The following DPF3 variants were observed in gnomAD, a reference collection of about 807,000 sequenced individuals.
DPF3 encodes the protein zinc finger protein DPF3.
Under a neutral mutation model 56.8 loss-of-function variants are expected in DPF3, and 18 were observed. That is an observed-to-expected ratio of 0.32 (90% CI 0.22 to 0.47). The LOEUF (loss-of-function observed/expected upper bound fraction) is 0.47. Among genes scored for constraint, DPF3 ranks in the 20% least tolerant of loss-of-function variants. The pLI is 1.00. For synonymous variants in DPF3, 188 were observed against 180.2 expected (o/e 1.04, Z -0.35); for missense variants, 403 against 488.8 (o/e 0.82, Z 1.65).
At chr14:72,864,975 C>A (rs1749239761) in intron 1 of DPF3, among the ~76,000 whole-genome samples, 4 of 152,072 alleles carry the variant, frequency 2.6e-5, no homozygotes, top group African/African-American at 9.7e-5. Context: ...GAGGGAGGAG[C>A]CAAAGATGAT....
rs147460173 is a variant in DPF3, at chr14:72,795,466, T to C, written c.33-23573A>G. On this transcript the variant is annotated intron_variant, in intron 1 of 10. Transcript: ENST00000556509. ...TTTTCCCAACATTGTAGGGTTGATG[T>C]ATCCTAAGGAATAAAGAACAAAATG... 2.6e-4 allele frequency among the ~76,000 whole-genome samples: 40 copies of C among 152,086 alleles called. 1 individual carries two copies. The East Asian group carries it at 7.5e-3, about 29-fold the overall frequency.
At chr14:72,817,950 T>G (rs962824682) in intron 1 of DPF3, among the ~76,000 whole-genome samples, 5 of 151,934 alleles carry the variant, frequency 3.3e-5, no homozygotes, top group African/African-American at 1.2e-4. Context: ...AATGCTAAAA[T>G]TAGAAAAATT....
At chr14:72,795,277 CAAAAAA>C (rs578053636) in intron 1 of DPF3, among the ~76,000 whole-genome samples, 3,947 of 109,518 alleles carry the variant, frequency 0.036, 155 homozygotes, top group South Asian at 0.11. Flanking sequence ...CTCTTTTTGA[CAAAAAA>C]AAAAAAAAAA....
intron 8 of DPF3, among the ~76,000 whole-genome samples, chr14:72,649,661 G>GGGC (rs10679174): frequency 2.5e-5 from 2 of 79,842 alleles, no homozygotes; most frequent in Admixed American, 1.3e-4. Context: ...ATCCCTGGGT[G>GGGC]GGGGGGGGGA....
chr14:72,778,950 C>T (rs951677996), intron 1 of DPF3, among the ~76,000 whole-genome samples: 1 of 152,220 alleles, frequency 6.6e-6, no homozygotes, highest in Non-Finnish European at 1.5e-5. Context: ...CACACAGACA[C>T]TCAGGCTGAA....
At chr14:72,845,238 C>T (rs1884701732) in intron 1 of DPF3, among the ~76,000 whole-genome samples, 3 of 152,048 alleles carry the variant, frequency 2.0e-5, no homozygotes, top group Admixed American at 2.0e-4. Flanking sequence ...ACAGTGAAAG[C>T]CCCAGTTAGG....
rs1883812152 is a variant in DPF3, at chr14:72,612,672, C to A, written c.*6625G>T. ...AAGGGCAAACCAAGTCCGTATAAAC[C>A]ACAAACCCCATTCTAGCCATAAAAG... On this transcript the variant is annotated 3_prime_UTR_variant, in exon 11 of 11. Transcript: ENST00000556509. The A allele has an allele frequency of 2.0e-6, 1 of 505,688 alleles. No individual in the cohort carries two copies. Among genetic ancestry groups the A allele is most frequent in the South Asian group, 1.4e-5 (1 of 70,406 alleles). The allele number at this position is 505,688 out of a possible 1,614,324, so 31.3% of individuals were successfully genotyped here.
Position 72,674,307 on chromosome 14 carries a change from G to GC in DPF3, c.803dup (p.Ser269LeufsTer11). 1 of 1,612,450 alleles carries GC rather than the reference G, an allele frequency of 6.2e-7. No homozygotes were observed. Among genetic ancestry groups the GC allele is most frequent in the Non-Finnish European group, 8.5e-7 (1 of 1,179,380 alleles). Reference sequence around the variant, plus strand: ...GCCCACTCTTCTTGTTCATGTTGGAGCCCCCCAAGCAGAAGTCACAGTAGT... The same window carrying GC: ...GCCCACTCTTCTTGTTCATGTTGGAGCCCCCCCAAGCAGAAGTCACAGTAGT... On this transcript the variant is annotated frameshift_variant, in exon 8 of 11. Transcript: ENST00000556509. LOFTEE classifies it high-confidence loss of function.
At chr14:72,800,377 A>AATGGATAGATGGATGG (rs1326428990) in intron 1 of DPF3, among the ~76,000 whole-genome samples, 644 of 18,104 alleles carry the variant, frequency 0.036, 11 homozygotes, top group African/African-American at 0.039. Flanking sequence ...TAAATAGATA[A>AATGGATAGATGGATGG]ATGGATGGAT....
chr14:72,877,497 C>G (rs1886160291), intron 1 of DPF3, among the ~76,000 whole-genome samples: 1 of 152,100 alleles, frequency 6.6e-6, no homozygotes, highest in South Asian at 2.1e-4. Flanking sequence ...AACAAATGAC[C>G]AGCAGGATGG....
intron 2 of DPF3, among the ~76,000 whole-genome samples, chr14:72,760,345 C>T (rs1278963722): frequency 6.6e-6 from 1 of 152,112 alleles, no homozygotes; most frequent in Non-Finnish European, 1.5e-5. Flanking sequence ...GTGGCGCATG[C>T]CTGTAATCCA....
At chr14:72,761,737 A>G (rs1482534749) in intron 2 of DPF3, among the ~76,000 whole-genome samples, 1 of 151,904 alleles carries the variant, frequency 6.6e-6, no homozygotes, top group Non-Finnish European at 1.5e-5. Flanking sequence ...AGAAGGAAAT[A>G]TAAAGATCAG....
chr14:72,840,853 C>G (rs1429421956), intron 1 of DPF3, among the ~76,000 whole-genome samples: 6 of 152,158 alleles, frequency 3.9e-5, no homozygotes, highest in Admixed American at 3.3e-4. Context: ...TGAGGGTCAC[C>G]CATGAAAAGG....
intron 8 of DPF3, among the ~76,000 whole-genome samples, chr14:72,667,994 C>T (rs556660967): frequency 2.4e-4 from 36 of 152,220 alleles, no homozygotes; most frequent in Non-Finnish European, 3.8e-4. Context: ...CCTCAGTTTC[C>T]GCAAACTGGG....
rs117756042 is a variant in DPF3, at chr14:72,760,545, T to A, written c.194-7174A>T. ...TTTCAGTAATTAAAATGTGGATGTC[T>A]GAGGTGAGGAGGGGCCTTATTCTAT... On this transcript the variant is annotated intron_variant, in intron 2 of 10. Coordinates refer to ENST00000556509, the MANE Select transcript of DPF3 (RefSeq NM_001280542.3). Among the ~76,000 whole-genome samples the A allele has an allele frequency of 4.2e-3, 640 of 152,352 alleles. 3 individuals carry two copies. Among genetic ancestry groups the A allele is most frequent in the Non-Finnish European group, 6.5e-3 (445 of 68,020 alleles).
chr14:72,699,212 G>T lies in DPF3; in HGVS notation c.605-5999C>A, dbSNP rs143558974. On this transcript the variant is annotated intron_variant, in intron 6 of 10. Transcript: ENST00000556509. ...AGAAACTGGTGGAAAAAGAGAAACT[G>T]ATTTTTTAAAAATTTGTTTAGAAAG... is the stretch of plus-strand genomic sequence containing the variant. Among the ~76,000 whole-genome samples the T allele has an allele frequency of 3.4e-3, 513 of 152,174 alleles. 2 individuals are homozygous for T. The highest frequency in any genetic ancestry group is 0.012 in the African/African-American group (489 of 41,490).
At chr14:72,773,293 C>T (rs12889933) in intron 1 of DPF3, among the ~76,000 whole-genome samples, 41,797 of 151,734 alleles carry the variant, frequency 0.28, 6,950 homozygotes, top group Non-Finnish European at 0.35. Context: ...CCACCATGCC[C>T]GGCTAATTTT....
At chr14:72,724,419 C>T (rs1054072245) in intron 4 of DPF3, among the ~76,000 whole-genome samples, 5 of 152,036 alleles carry the variant, frequency 3.3e-5, no homozygotes, top group African/African-American at 1.2e-4. Flanking sequence ...CCAGATCATC[C>T]AGTGAAGCCA....
intron 1 of DPF3, among the ~76,000 whole-genome samples, chr14:72,819,008 CTAGCAATTT>C (rs1398410068): frequency 1.3e-5 from 2 of 152,150 alleles, no homozygotes; most frequent in Admixed American, 6.5e-5. Flanking sequence ...ATAAAGAACT[CTAGCAATTT>C]AGTAATAAGG....
Sources: gnomAD v4.1 joint callset for allele counts (sites outside exome capture counted in the v4.1 genomes callset) on GRCh38, gnomAD v4.1.1 for gene constraint, MANE v1.5 for transcripts, NCBI Gene and HGNC (gene_info 2026-07-23, HGNC 2026-07-21) for gene names.